CAMTA1: variants seen among roughly 807,000 people sequenced by gnomAD.
CAMTA1 encodes calmodulin binding transcription activator 1.
CAMTA1 carries 27 observed loss-of-function variants against 170.9 expected under a neutral mutation model. The ratio of observed to expected loss-of-function variants is 0.16; its 90% CI spans 0.12 to 0.22. CAMTA1 has a LOEUF of 0.22. CAMTA1 is among the 10% of genes least tolerant of loss of function. The pLI is 1.00. For synonymous variants in CAMTA1, 833 were observed against 891.5 expected (o/e 0.93, Z 1.17); for missense variants, 1,619 against 2,217.2 (o/e 0.73, Z 5.42).
chr1:7,382,709 C>T (rs527238818), intron 5 of CAMTA1: 1 of 152,330 alleles, frequency 6.6e-6, no homozygotes, highest in South Asian at 2.1e-4. Context: ...TTTCTCCATA[C>T]ATTGATGAGC....
intron 6 of CAMTA1, among the ~76,000 whole-genome samples, chr1:7,530,818 T>TTG (rs1553193474): frequency 1.4e-5 from 2 of 146,074 alleles, no homozygotes; most frequent in Non-Finnish European, 3.0e-5. Context: ...TCTTGTTTTT[T>TTG]TTTTTTTTTT....
At chr1:7,396,807 G>T (rs943112833) in intron 5 of CAMTA1, among the ~76,000 whole-genome samples, 4 of 152,112 alleles carry the variant, frequency 2.6e-5, no homozygotes, top group African/African-American at 9.7e-5. Context: ...TTATTGACTT[G>T]CATATGTTGA....
intron 3 of CAMTA1, among the ~76,000 whole-genome samples, chr1:6,868,962 A>G (rs1017091717): frequency 3.3e-5 from 5 of 152,204 alleles, no homozygotes; most frequent in African/African-American, 9.7e-5. Context: ...TAATTCACTT[A>G]CTAGTTACAA....
In CAMTA1 at chr1:7,180,589, C is replaced by T. The variant is rs903187742; in HGVS notation, c.303-68902C>T. Among the ~76,000 whole-genome samples the T allele has an allele frequency of 3.4e-5, 5 of 145,386 alleles. No individual in the cohort carries two copies. The East Asian group carries it at 1.0e-3, about 30-fold the overall frequency. On this transcript the variant is annotated intron_variant, in intron 4 of 22. Transcript: ENST00000303635. ...AGTGCAGGGGTGTAATAACGGCTCACTGCAGCCTCCATCTCCCAGGCTCAA... is the reference window on the plus strand; with the variant it reads ...AGTGCAGGGGTGTAATAACGGCTCATTGCAGCCTCCATCTCCCAGGCTCAA...
At chr1:6,861,485 C>T (rs947306045) in intron 3 of CAMTA1, among the ~76,000 whole-genome samples, 3 of 152,114 alleles carry the variant, frequency 2.0e-5, no homozygotes, top group African/African-American at 7.2e-5. Flanking sequence ...ATTTGTAGGA[C>T]GTACTGGAGA....
chr1:7,500,755 C>CA (rs1033616493), intron 6 of CAMTA1, among the ~76,000 whole-genome samples: 19 of 152,104 alleles, frequency 1.2e-4, no homozygotes, highest in African/African-American at 4.6e-4. Flanking sequence ...TCCCTTGCCT[C>CA]AGAGTCTGCG....
At chr1:6,834,596 C>A in intron 3 of CAMTA1, 1 of 172,086 alleles carries the variant, frequency 5.8e-6, no homozygotes, top group South Asian at 1.3e-4. Context: ...GCAACACTTT[C>A]CAAACGGTCA....
At chr1:7,469,065 T>C (rs1368614884) in intron 6 of CAMTA1, among the ~76,000 whole-genome samples, 1 of 152,154 alleles carries the variant, frequency 6.6e-6, no homozygotes, top group African/African-American at 2.4e-5. Context: ...ACCCTTTCCA[T>C]TCTCCCTCAG....
rs369128187 is a variant in CAMTA1 at position 7,403,177 on chromosome 1, A to G, written c.439-64653A>G. 7.2e-5 allele frequency among the ~76,000 whole-genome samples: 11 copies of G among 152,060 alleles called. No individual in the cohort carries two copies. The East Asian group carries it at 9.7e-4, about 13-fold the overall frequency. Reference sequence around the variant, plus strand: ...AGACCAGCCTGCCCAACATGGCAAAACCCCGTCTCTACTAAAAATACAAAA... The same window carrying G: ...AGACCAGCCTGCCCAACATGGCAAAGCCCCGTCTCTACTAAAAATACAAAA... On this transcript the variant is annotated intron_variant, in intron 5 of 22. Coordinates refer to ENST00000303635, the MANE Select transcript of CAMTA1 (RefSeq NM_015215.4).
chr1:7,284,177 C>CTTCTTCTTCTTCTTCTTCTTATTA, intron 5 of CAMTA1, among the ~76,000 whole-genome samples: 1 of 99,314 alleles, frequency 1.0e-5, no homozygotes, highest in Non-Finnish European at 2.0e-5. Flanking sequence ...TCTTCTTCTT[C>CTTCTTCTTCTTCTTCTTCTTATTA]TTATTATTAT....
intron 4 of CAMTA1, among the ~76,000 whole-genome samples, chr1:7,201,636 A>G (rs1200441535): frequency 1.3e-5 from 2 of 152,198 alleles, no homozygotes; most frequent in Non-Finnish European, 2.9e-5. Context: ...ATAGCTAATA[A>G]TATCAAGTGT....
At chr1:7,226,863 C>T (rs112607218) in intron 4 of CAMTA1, among the ~76,000 whole-genome samples, 7 of 151,718 alleles carry the variant, frequency 4.6e-5, no homozygotes, top group South Asian at 2.1e-4. Flanking sequence ...GATGGAGTCT[C>T]GCTCTGTCAC....
rs184813350 is a variant in CAMTA1, at chr1:7,630,442, C to G, written c.511-9958C>G. Among the ~76,000 whole-genome samples, 5 of 152,342 alleles carry G rather than the reference C, an allele frequency of 3.3e-5. No individual in the cohort carries two copies. The East Asian group carries it at 9.6e-4, about 29-fold the overall frequency. On this transcript the variant is annotated intron_variant, in intron 6 of 22. Coordinates refer to ENST00000303635, the MANE Select transcript of CAMTA1 (RefSeq NM_015215.4). ...GGCTAAAGGAGGCAGGGCAAGCCAG[C>G]CCCTGAGCCGGCATGGTTCCCGGAA...
intron 3 of CAMTA1, among the ~76,000 whole-genome samples, chr1:6,921,017 A>G (rs985655165): frequency 6.6e-6 from 1 of 152,228 alleles, no homozygotes; most frequent in Admixed American, 6.5e-5. Flanking sequence ...TATTTATGCA[A>G]ATTTCTGCAG....
chr1:7,765,657 T>C (rs573461492), intron 22 of CAMTA1, among the ~76,000 whole-genome samples: 3 of 152,300 alleles, frequency 2.0e-5, no homozygotes, highest in East Asian at 3.9e-4. Flanking sequence ...GTTGTACAGA[T>C]GTATGATTAG....
At chr1:7,311,826 C>G (rs1676768878) in intron 5 of CAMTA1, among the ~76,000 whole-genome samples, 1 of 152,096 alleles carries the variant, frequency 6.6e-6, no homozygotes, top group Admixed American at 6.6e-5. Flanking sequence ...CCTTTGTTGT[C>G]CTGTGTGTGG....
At chr1:7,383,231 G>A (rs554006522) in intron 5 of CAMTA1, among the ~76,000 whole-genome samples, 1 of 152,316 alleles carries the variant, frequency 6.6e-6, no homozygotes, top group Admixed American at 6.5e-5. Context: ...AAGAAGGAGG[G>A]CCAGGACGGA....
chr1:7,188,920 C>T (rs1173553891), intron 4 of CAMTA1, among the ~76,000 whole-genome samples: 1 of 152,236 alleles, frequency 6.6e-6, no homozygotes, highest in South Asian at 2.1e-4. Flanking sequence ...ATTGTACCTT[C>T]TCACCAGCAA....
chr1:7,035,753 A>T (rs773653720), intron 3 of CAMTA1, among the ~76,000 whole-genome samples: 1 of 152,254 alleles, frequency 6.6e-6, no homozygotes, highest in Admixed American at 6.5e-5. Flanking sequence ...ACAGCCTTGT[A>T]TCTGTGTACA....
Sources: gnomAD v4.1 joint callset for allele counts (sites outside exome capture counted in the v4.1 genomes callset) on GRCh38, gnomAD v4.1.1 for gene constraint, MANE v1.5 for transcripts, NCBI Gene and HGNC (gene_info 2026-07-23, HGNC 2026-07-21) for gene names.